The following USP33 variants were observed in gnomAD, a reference collection of about 807,000 sequenced individuals.
The protein encoded by USP33 is ubiquitin specific peptidase 33.
Under a neutral mutation model 124.2 loss-of-function variants are expected in USP33, and 46 were observed. The observed-to-expected ratio is 0.37, with a 90% CI of 0.29 to 0.47. The LOEUF (loss-of-function observed/expected upper bound fraction) is 0.47. USP33 is among the 20% of genes least tolerant of loss of function. The probability of loss-of-function intolerance (pLI) is 0.99; values close to 1 mark genes in which losing one functional copy is unlikely to be tolerated. For synonymous variants in USP33, 350 were observed against 352.3 expected, an observed-to-expected ratio of 0.99 and a Z score of 0.07; for missense variants, 851 against 1,070.6, an observed-to-expected ratio of 0.79 and a Z score of 2.86.
intron 1 of USP33, among the ~76,000 whole-genome samples, chr1:77,742,561 G>A (rs1679245553): frequency 7.6e-6 from 1 of 132,270 alleles, no homozygotes; most frequent in South Asian, 2.6e-4. Flanking sequence ...AAGGCTAAGA[G>A]ATGCAAACTT....
In USP33 at chr1:77,711,811, G is replaced by A; in HGVS notation, c.2342C>T (p.Thr781Ile). Residue 781 changes from threonine (T) to isoleucine (I), a missense_variant, in exon 21 of 24, where the codon ACT becomes ATT. Thr to Ile is a moderately conservative substitution (Grantham distance 89). Transcript: ENST00000370794. ...AATTTTCTCCGCCTCAATTTGGCAA[G>A]TATGACAAATGTACAGATGGTTGAC... ...PAVNHLYICH[T>I]CQIEAEKIEK... is the part of the protein sequence containing the mutation. 1 of 1,609,966 alleles carries A rather than the reference G, an allele frequency of 6.2e-7. No homozygotes were observed. Among genetic ancestry groups the A allele is most frequent in the Non-Finnish European group, 8.5e-7 (1 of 1,178,952 alleles).
intron 23 of USP33, 150 bp from the exon 24 acceptor site, chr1:77,697,624 A>G (rs1673545096): frequency 2.0e-6 from 2 of 1,010,442 alleles, no homozygotes. Context: ...TATTGTTATA[A>G]GCTGAAACAT....
Position 77,716,824 on chromosome 1 carries a change from G to A in USP33, c.1919-956C>T, listed in dbSNP as rs577795470. Among the ~76,000 whole-genome samples the A allele has an allele frequency of 1.7e-4, 26 of 151,518 alleles. No individual in the cohort carries two copies. The South Asian group carries it at 3.1e-3, about 18-fold the overall frequency. ...AAATTTTTCCCACCAGCCTGACTGC[G>A]CCCCCACAAACACCCAGCTATTAGA... On this transcript the variant is annotated intron_variant, in intron 17 of 23. Transcript: ENST00000370794.
At chr1:77,729,295 G>A (rs528315468) in intron 9 of USP33, among the ~76,000 whole-genome samples, 2 of 150,182 alleles carry the variant, frequency 1.3e-5, no homozygotes, top group Non-Finnish European at 3.0e-5. Context: ...CACTTCGGGA[G>A]ATCAAGGAGG....
intron 14 of USP33, 89 bp from the exon 15 acceptor site, chr1:77,721,294 G>T: frequency 1.4e-6 from 2 of 1,412,792 alleles, no homozygotes; most frequent in South Asian, 1.2e-5. Context: ...GCCCCATGCT[G>T]ACCTCCCAGC....
intron 7 of USP33, among the ~76,000 whole-genome samples, chr1:77,733,390 C>T (rs1160096515): frequency 7.0e-6 from 1 of 142,686 alleles, no homozygotes; most frequent in Admixed American, 7.0e-5. Context: ...GAGACCCAGC[C>T]TAAAAAAAAA....
At chr1:77,707,406 C>T (rs1453080831) in intron 21 of USP33, among the ~76,000 whole-genome samples, 2 of 152,184 alleles carry the variant, frequency 1.3e-5, no homozygotes, top group African/African-American at 4.8e-5. Context: ...TGCTGTGTAT[C>T]TCTGTGAAGG....
At chr1:77,759,030 A>G (rs1225340901) in intron 1 of USP33, among the ~76,000 whole-genome samples, 1 of 152,224 alleles carries the variant, frequency 6.6e-6, no homozygotes, top group Non-Finnish European at 1.5e-5. Context: ...GTATACGAGA[A>G]ATATAAGTAA....
At chr1:77,737,652 G>T (rs1179449308) in intron 5 of USP33, among the ~76,000 whole-genome samples, 2 of 152,154 alleles carry the variant, frequency 1.3e-5, no homozygotes, top group Non-Finnish European at 2.9e-5. Context: ...TTAAGTTTAT[G>T]CCTTTTATGT....
Position 77,709,858 on chromosome 1 carries a change from CAA to C in USP33, c.2406+1887_2406+1888del, listed in dbSNP as rs1419264620. Among the ~76,000 whole-genome samples the C allele has an allele frequency of 2.7e-5, 4 of 147,472 alleles. No homozygotes were observed. The East Asian group carries it at 8.0e-4, about 29-fold the overall frequency. The stretch of plus-strand genomic sequence containing the variant: ...ACTTTCAGTGAGAGTTAAGAAATAT[CAA>C]GTTTCTATACATGCATACACATACA... On this transcript the variant is annotated intron_variant, in intron 21 of 23. Transcript: ENST00000370794.
At chr1:77,729,783 G>A in intron 9 of USP33, 77 bp downstream of exon 9, 1 of 1,401,058 alleles carries the variant, frequency 7.1e-7, no homozygotes, top group Non-Finnish European at 1.0e-6. Flanking sequence ...CAAAAGATAA[G>A]TAGACCCAAA....
rs1673575896 is a variant in USP33, at chr1:77,697,907, G to A, written c.2534C>T (p.Thr845Ile). Residue 845 changes from threonine (T) to isoleucine (I), a missense_variant, in exon 23 of 24, where the codon ACT (threonine) becomes ATT (isoleucine). Transcript: ENST00000370794. ...DGDPPGPIDN[T>I]KIAVTKCGNV... ...ACCACATTTAGTGACTGCAATCTTAGTATTGTCAATAGGACCTGGAGGATC... is the reference window on the plus strand; with the variant it reads ...ACCACATTTAGTGACTGCAATCTTAATATTGTCAATAGGACCTGGAGGATC... The A allele has an allele frequency of 6.2e-7, 1 of 1,609,796 alleles. No individual in the cohort carries two copies. Among genetic ancestry groups the A allele is most frequent in the Non-Finnish European group, 8.5e-7 (1 of 1,178,766 alleles).
chr1:77,709,025 G>A (rs1014396502), intron 21 of USP33, among the ~76,000 whole-genome samples: 3 of 151,998 alleles, frequency 2.0e-5, no homozygotes, highest in South Asian at 2.1e-4. Context: ...TATCTTCATC[G>A]AGATGGTGTC....
chr1:77,750,299 C>G (rs1680175980), intron 1 of USP33, among the ~76,000 whole-genome samples: 1 of 151,942 alleles, frequency 6.6e-6, no homozygotes, highest in African/African-American at 2.4e-5. Context: ...GCCTGGGCAA[C>G]AGAGCAAGGC....
intron 7 of USP33, among the ~76,000 whole-genome samples, chr1:77,733,204 G>T (rs558465729): frequency 1.3e-5 from 2 of 152,132 alleles, no homozygotes; most frequent in African/African-American, 4.8e-5. Context: ...AACCAGCCTA[G>T]GCAACAAGGT....
At chr1:77,757,364 C>T (rs769050928) in intron 1 of USP33, among the ~76,000 whole-genome samples, 6 of 152,188 alleles carry the variant, frequency 3.9e-5, no homozygotes, top group Non-Finnish European at 8.8e-5. Flanking sequence ...ACCTTCTGAA[C>T]ATTTGACAGC....
chr1:77,725,127 C>T (rs1026690435), intron 11 of USP33, among the ~76,000 whole-genome samples: 1 of 152,090 alleles, frequency 6.6e-6, no homozygotes, highest in Non-Finnish European at 1.5e-5. Context: ...ATTTCAAATG[C>T]ATTATCCTGA....
chr1:77,734,494 C>A, intron 6 of USP33, 78 bp from the exon 7 acceptor site: 1 of 841,750 alleles, frequency 1.2e-6, no homozygotes, highest in Non-Finnish European at 1.9e-6. Context: ...TAATATGGTT[C>A]CCAAATTACA....
chr1:77,721,616 G>A, intron 14 of USP33: 1 of 531,328 alleles, frequency 1.9e-6, no homozygotes, highest in East Asian at 3.5e-5. Flanking sequence ...CTTATCATTT[G>A]TCTTATACTA....
Sources: allele counts gnomAD v4.1 joint callset (sites outside exome capture counted in the v4.1 genomes callset), GRCh38; gene constraint gnomAD v4.1.1; transcripts MANE v1.5; gene names NCBI Gene and HGNC (gene_info 2026-07-23, HGNC 2026-07-21).